The following ASXL3 variants were observed in gnomAD, a reference collection of about 807,000 sequenced individuals.
ASXL3 encodes ASXL transcriptional regulator 3.
A neutral mutation model predicts 170.6 loss-of-function variants in ASXL3; 34 were observed. That is an observed-to-expected ratio of 0.20 (90% CI 0.15 to 0.27). The LOEUF (loss-of-function observed/expected upper bound fraction) is 0.27, where lower values mean the gene tolerates loss of function less well. Ranked by LOEUF, ASXL3 falls within the 10% of genes least tolerant of loss-of-function variation. ASXL3 has a pLI of 1.00. For synonymous variants in ASXL3, 1,002 were observed against 989.1 expected, an observed-to-expected ratio of 1.01 and a Z score of -0.24; for missense variants, 2,592 against 2,695.3, an observed-to-expected ratio of 0.96 and a Z score of 0.85.
At position 33,608,999 on chromosome 18, in the gene ASXL3, A is replaced by G. The variant is rs1306841448; in HGVS notation, c.137+1323A>G. The G allele has an allele frequency of 2.3e-5, 23 of 984,182 alleles. No individual in the cohort carries two copies. The Admixed American group carries it at 1.4e-3, about 61-fold the overall frequency. 61.0% of individuals were successfully genotyped at this position (984,182 alleles called of 1,614,324 possible). ...TTTTTTTTTTTGCCTACGCTGGAGA[A>G]ATAGCCTAAGATAATATAACCACGC... On this transcript the variant is annotated intron_variant, in intron 2 of 11. Transcript: ENST00000269197.
chr18:33,704,481 AATAATACAAATGC>A (rs2066926110), intron 8 of ASXL3, among the ~76,000 whole-genome samples: 2 of 152,056 alleles, frequency 1.3e-5, no homozygotes, highest in Non-Finnish European at 2.9e-5. Flanking sequence ...AAGTGATCAC[AATAATACAAATGC>A]ATTTTGCTAC....
chr18:33,702,149 T>C (rs1474979310), intron 8 of ASXL3, among the ~76,000 whole-genome samples: 8 of 152,180 alleles, frequency 5.3e-5, no homozygotes, highest in African/African-American at 1.4e-4. Context: ...CTTTAGATAT[T>C]TAAAGATATT....
intron 2 of ASXL3, among the ~76,000 whole-genome samples, chr18:33,629,824 T>C (rs1229928633): frequency 6.6e-6 from 1 of 152,038 alleles, no homozygotes; most frequent in African/African-American, 2.4e-5. Flanking sequence ...CATAACTGAT[T>C]AGTAGCATTG....
rs987479866 is a variant in ASXL3 at position 33,612,189 on chromosome 18, A to G, written c.137+4513A>G. Among the ~76,000 whole-genome samples the G allele has an allele frequency of 2.6e-5, 4 of 151,890 alleles. No homozygotes were observed. The East Asian group carries it at 7.7e-4, about 29-fold the overall frequency. ...GAAGTGGTCATAAAATTAAACATAT[A>G]TATATATATACACAAACCACACAAA... On this transcript the variant is annotated intron_variant, in intron 2 of 11. Transcript: ENST00000269197.
chr18:33,655,235 G>A (rs1209581582), intron 4 of ASXL3, among the ~76,000 whole-genome samples: 1 of 151,832 alleles, frequency 6.6e-6, no homozygotes, highest in Non-Finnish European at 1.5e-5. Context: ...CATTCCTCTT[G>A]GTTTATTTTG....
chr18:33,627,419 A>G lies in ASXL3; in HGVS notation c.138-17475A>G, dbSNP rs142406863. Among the ~76,000 whole-genome samples the G allele has an allele frequency of 6.4e-3, 976 of 152,298 alleles. 5 individuals are homozygous for G. The highest frequency in any genetic ancestry group is 0.014 in the Middle Eastern group (4 of 294). On this transcript the variant is annotated intron_variant, in intron 2 of 11. Transcript: ENST00000269197. ...TTGTGTAAACTGTGGCCATATTTTA[A>G]CCACAAATTTATCTAAACATGAAAA... is the stretch of plus-strand genomic sequence containing the variant.
At chr18:33,736,223 T>G (rs1349647048) in intron 10 of ASXL3, among the ~76,000 whole-genome samples, 1 of 152,086 alleles carries the variant, frequency 6.6e-6, no homozygotes, top group African/African-American at 2.4e-5. Context: ...CTTTCCAGAT[T>G]CCCTTGGATA....
intron 8 of ASXL3, among the ~76,000 whole-genome samples, chr18:33,722,674 G>T (rs942466030): frequency 6.6e-6 from 1 of 152,148 alleles, no homozygotes; most frequent in Non-Finnish European, 1.5e-5. Context: ...TGATGTAGAA[G>T]CCACAGCAAG....
At chr18:33,726,271 A>C (rs1434315158) in intron 8 of ASXL3, among the ~76,000 whole-genome samples, 5 of 152,172 alleles carry the variant, frequency 3.3e-5, no homozygotes, top group Non-Finnish European at 7.4e-5. Flanking sequence ...ATGTAATCAG[A>C]ACCTAACCAT....
intron 1 of ASXL3, among the ~76,000 whole-genome samples, chr18:33,591,587 G>A (rs1210271171): frequency 4.0e-5 from 6 of 151,510 alleles, no homozygotes; most frequent in African/African-American, 1.5e-4. Flanking sequence ...AAAGAAAAAT[G>A]AATGCATAAA....
rs567236481 is a variant in ASXL3, at chr18:33,633,289, T to C, written c.138-11605T>C. On this transcript the variant is annotated intron_variant, in intron 2 of 11. Coordinates refer to ENST00000269197, the MANE Select transcript of ASXL3 (RefSeq NM_030632.3). ...AAACAAAGAGAACACTATATAAAAC[T>C]CTTTATTGTAGCACTTTTTTCATGG... Among the ~76,000 whole-genome samples, 30 of 152,256 alleles carry C rather than the reference T, an allele frequency of 2.0e-4. No homozygotes were observed. The South Asian group carries it at 6.0e-3, about 31-fold the overall frequency.
chr18:33,719,589 G>A (rs182448919), intron 8 of ASXL3, among the ~76,000 whole-genome samples: 3 of 152,190 alleles, frequency 2.0e-5, no homozygotes, highest in Admixed American at 6.6e-5. Context: ...GCTAGAGTCT[G>A]AAGGTTTGTG....
chr18:33,667,119 T>G (rs1323806528), intron 5 of ASXL3, among the ~76,000 whole-genome samples: 2 of 152,150 alleles, frequency 1.3e-5, no homozygotes, highest in East Asian at 3.9e-4. Context: ...AGCAAAAGCC[T>G]CTTATGTATC....
intron 4 of ASXL3, among the ~76,000 whole-genome samples, chr18:33,650,982 T>G (rs2065988763): frequency 1.3e-5 from 2 of 152,136 alleles, no homozygotes; most frequent in African/African-American, 4.8e-5. Context: ...TTTTTACCTC[T>G]GAGGGAACAA....
intron 1 of ASXL3, among the ~76,000 whole-genome samples, chr18:33,597,949 A>G (rs2065145629): frequency 6.6e-6 from 1 of 152,170 alleles, no homozygotes. Context: ...AGCTGCTCTT[A>G]TTAACACTAG....
chr18:33,739,905 G>A lies in ASXL3; in HGVS notation c.2501G>A (p.Ser834Asn). Residue 834 changes from serine to asparagine, a missense_variant, in exon 11 of 12, where the codon AGT becomes AAT. Ser to Asn is a conservative substitution (Grantham distance 46, BLOSUM62 1). Coordinates refer to ENST00000269197, the MANE Select transcript of ASXL3 (RefSeq NM_030632.3). ...GAAGATTTGCACAATAAGACCCTGAGTCAGCAAACCTGTAAATCACATGTT... is the reference window on the plus strand; with the variant it reads ...GAAGATTTGCACAATAAGACCCTGAATCAGCAAACCTGTAAATCACATGTT... ...PSEDLHNKTL[S>N]QQTCKSHVDT... The A allele has an allele frequency of 6.2e-7, 1 of 1,613,882 alleles. No homozygotes were observed. The highest frequency in any genetic ancestry group is 1.1e-5 in the South Asian group (1 of 91,068).
intron 5 of ASXL3, among the ~76,000 whole-genome samples, chr18:33,668,899 C>T (rs2066299368): frequency 6.6e-6 from 1 of 151,378 alleles, no homozygotes; most frequent in Non-Finnish European, 1.5e-5. Context: ...TAACCAAACA[C>T]ACACACACAC....
chr18:33,707,381 T>A (rs530981369), intron 8 of ASXL3, among the ~76,000 whole-genome samples: 1 of 152,094 alleles, frequency 6.6e-6, no homozygotes, highest in African/African-American at 2.4e-5. Flanking sequence ...ATTTAGGTCT[T>A]CCTTAATTTC....
chr18:33,723,861 C>T (rs1005487893), intron 8 of ASXL3, among the ~76,000 whole-genome samples: 2 of 152,152 alleles, frequency 1.3e-5, no homozygotes, highest in African/African-American at 4.8e-5. Flanking sequence ...AGCCACCAGC[C>T]ACCCTGATCA....
Sources: allele counts gnomAD v4.1 joint callset (sites outside exome capture counted in the v4.1 genomes callset), GRCh38; gene constraint gnomAD v4.1.1; transcripts MANE v1.5; gene names NCBI Gene and HGNC (gene_info 2026-07-23, HGNC 2026-07-21).